The following TRIM63 variants were observed in gnomAD, a reference collection of about 807,000 sequenced individuals.
The protein encoded by TRIM63 is E3 ubiquitin-protein ligase TRIM63.
TRIM63 carries 48 observed loss-of-function variants against 46.0 expected under a neutral mutation model. The observed-to-expected ratio is 1.04, with a 90% CI of 0.83 to 1.33. The LOEUF is 1.33. Among genes scored for constraint, TRIM63 ranks in the 40% most tolerant of loss-of-function variants. The pLI is 0.00. For synonymous variants in TRIM63, 175 were observed against 162.8 expected (o/e 1.08, Z -0.57); for missense variants, 455 against 441.2 (o/e 1.03, Z -0.28).
rs750685454 is a variant in TRIM63 at position 26,067,487 on chromosome 1, T to A, written c.8A>T (p.Tyr3Phe). The A allele has an allele frequency of 3.1e-6, 5 of 1,613,920 alleles. No homozygotes were observed. The highest frequency in any genetic ancestry group is 3.4e-6 in the Non-Finnish European group (4 of 1,180,020). The change falls in exon 1 of 9, where the codon TAT becomes TTT. Residue 3 changes from tyrosine to phenylalanine, a missense_variant. Coordinates refer to ENST00000374272, the MANE Select transcript of TRIM63 (RefSeq NM_032588.4). MD[Y>F]KSSLIQDGNP... Reference sequence around the variant, plus strand: ...CCCATCCTGGATCAGGCTCGACTTATAATCCATTCTGTGGGAAGGAATGAG... The same window carrying A: ...CCCATCCTGGATCAGGCTCGACTTAAAATCCATTCTGTGGGAAGGAATGAG...
Position 26,066,360 on chromosome 1 carries a change from G to A in TRIM63, c.240C>T (p.His80=), listed in dbSNP as rs775346040. The part of the protein sequence containing the change: ...GGRFRCPTCR[H]EVIMDRHGVY... ...CTCCGTGACGATCCATGATCACCTC[G>A]TGGCGGCAGGTGGGGCAGCGGAAAC... Residue 80 remains histidine, a synonymous_variant, in exon 2 of 9, where the codon CAC becomes CAT. Transcript: ENST00000374272. 17 of 1,613,854 alleles carry A rather than the reference G, an allele frequency of 1.1e-5. No homozygotes were observed. The highest frequency in any genetic ancestry group is 1.6e-4 in the Middle Eastern group (1 of 6,082).
At chr1:26,065,177 C>T (rs1352057149) in intron 2 of TRIM63, among the ~76,000 whole-genome samples, 2 of 152,132 alleles carry the variant, frequency 1.3e-5, no homozygotes, top group East Asian at 1.9e-4. Context: ...GCACGCGCCA[C>T]CACGCCTGGC....
rs916431641 is a variant in TRIM63, at chr1:26,051,726, C to A, written c.*147G>T. 7 of 528,948 alleles carry A rather than the reference C, an allele frequency of 1.3e-5. No homozygotes were observed. The highest frequency in any genetic ancestry group is 2.0e-5 in the African/African-American group (1 of 50,652). 32.8% of individuals were successfully genotyped at this position (528,948 alleles called of 1,614,324 possible). ...TGAGGGTCCTACCCTAGTCCCTGCTCTCTGAGCAGAGAGAAGACATCACCT... is the reference window on the plus strand; with the variant it reads ...TGAGGGTCCTACCCTAGTCCCTGCTATCTGAGCAGAGAGAAGACATCACCT... On this transcript the variant is annotated 3_prime_UTR_variant, in exon 9 of 9. Transcript: ENST00000374272.
At position 26,057,290 on chromosome 1, in the gene TRIM63, T is replaced by C. The variant is rs1263291436; in HGVS notation, c.892A>G (p.Thr298Ala). ...EASKGCQLGK[T>A]EQGFENMDFF... ...TCCATGTTCTCAAAGCCCTGCTCTG[T>C]CTTCCCCAGCTGGCAGCCCTTGGAA... The change falls in exon 7 of 9, where the codon ACA (threonine) becomes GCA (alanine). Residue 298 changes from threonine (T) to alanine (A), a missense_variant. Physicochemically the swap from Thr to Ala is moderately conservative, Grantham distance 58 (BLOSUM62 0). Coordinates refer to ENST00000374272, the MANE Select transcript of TRIM63 (RefSeq NM_032588.4). 2.5e-6 allele frequency: 4 copies of C among 1,614,170 alleles called. No homozygotes were observed. The highest frequency in any genetic ancestry group is 1.1e-5 in the South Asian group (1 of 91,078).
rs146327960 is a variant in TRIM63 at position 26,059,153 on chromosome 1, T to C, written c.598-530A>G. Among the ~76,000 whole-genome samples the C allele has an allele frequency of 4.4e-4, 67 of 151,266 alleles. No individual in the cohort carries two copies. The East Asian group carries it at 0.011, about 26-fold the overall frequency. ...GATTCTCCTGCCTCAGCCTCCCGAG[T>C]AGCTGGGATTATAGATACGCTACCA... On this transcript the variant is annotated intron_variant, in intron 4 of 8. Coordinates refer to ENST00000374272, the MANE Select transcript of TRIM63 (RefSeq NM_032588.4).
intron 3 of TRIM63, 39 bp downstream of exon 3, chr1:26,061,127 C>A (rs756978734): frequency 4.4e-6 from 7 of 1,601,526 alleles, no homozygotes; most frequent in Non-Finnish European, 5.1e-6. Flanking sequence ...CCGTGCCCAG[C>A]AGGCCCAGGC....
Position 26,067,330 on chromosome 1 carries a change from A to G in TRIM63, c.159+6T>C. 1 of 1,613,688 alleles carries G rather than the reference A, an allele frequency of 6.2e-7. No homozygotes were observed. Reference sequence around the variant, plus strand: ...GACCCCAAATGAAGCTGCACCCGGCACTTACCTGGAAGATGTCATTGGCAC... The same window carrying G: ...GACCCCAAATGAAGCTGCACCCGGCGCTTACCTGGAAGATGTCATTGGCAC... On this transcript the variant is annotated splice_donor_region_variant and intron_variant, in intron 1 of 8. Transcript: ENST00000374272.
At position 26,067,275 on chromosome 1, in the gene TRIM63, C is replaced by T. The variant is rs2124444870; in HGVS notation, c.159+61G>A. On this transcript the variant is annotated intron_variant, in intron 1 of 8. Coordinates refer to ENST00000374272, the MANE Select transcript of TRIM63 (RefSeq NM_032588.4). ...TTGGAAGTCTAAGGGAGAAGGGTTTCATCACAGGGAAGCCAAGTAGCCACC... is the reference window on the plus strand; with the variant it reads ...TTGGAAGTCTAAGGGAGAAGGGTTTTATCACAGGGAAGCCAAGTAGCCACC... 4 of 1,589,454 alleles carry T rather than the reference C, an allele frequency of 2.5e-6. No individual in the cohort carries two copies. In the East Asian group the frequency reaches 9.0e-5, roughly 36 times the overall value.
intron 3 of TRIM63, 53 bp from the exon 4 acceptor site, chr1:26,060,414 C>T (rs2050613327): frequency 7.1e-7 from 1 of 1,409,506 alleles, no homozygotes; most frequent in South Asian, 1.2e-5. Flanking sequence ...GCCTCAGGGC[C>T]TACCCACTGG....
At chr1:26,058,346 T>C (rs1443865199) in intron 5 of TRIM63, 44 bp downstream of exon 5, 11 of 1,545,158 alleles carry the variant, frequency 7.1e-6, no homozygotes, top group Admixed American at 3.4e-5. Context: ...CTTAGAGCTG[T>C]AGAGTTGAAC....
At chr1:26,067,315 G>C in intron 1 of TRIM63, 21 bp downstream of exon 1, 1 of 1,612,440 alleles carries the variant, frequency 6.2e-7, no homozygotes, top group Non-Finnish European at 8.5e-7. Flanking sequence ...GACCCCAAAT[G>C]AAGCTGCACC....
chr1:26,066,152 T>C, intron 2 of TRIM63, 116 bp downstream of exon 2: 1 of 1,172,562 alleles, frequency 8.5e-7, no homozygotes, highest in East Asian at 2.3e-5. Context: ...CTTGTGTAGC[T>C]AGTCCAGCTA....
chr1:26,053,680 T>C (rs1454816396), intron 8 of TRIM63, among the ~76,000 whole-genome samples: 1 of 152,186 alleles, frequency 6.6e-6, no homozygotes, highest in East Asian at 1.9e-4. Context: ...AGATGTGAAA[T>C]GGGAGCATTT....
intron 1 of TRIM63, among the ~76,000 whole-genome samples, chr1:26,066,729 T>C (rs1446879756): frequency 1.3e-5 from 2 of 152,178 alleles, no homozygotes; most frequent in African/African-American, 4.8e-5. Flanking sequence ...TGCCCACTTA[T>C]GAAATAGGTA....
At position 26,063,608 on chromosome 1, in the gene TRIM63, T is replaced by G. The variant is rs112439606; in HGVS notation, c.333-2274A>C. Among the ~76,000 whole-genome samples the G allele has an allele frequency of 2.0e-5, 3 of 152,314 alleles. No homozygotes were observed. The East Asian group carries it at 5.8e-4, about 29-fold the overall frequency. On this transcript the variant is annotated intron_variant, in intron 2 of 8. Transcript: ENST00000374272. ...TTCATGCGCCCGCAGCCCTCCCAGA[T>G]GCCCACCCTCCCAAGCTCAGACTTT...
intron 2 of TRIM63, among the ~76,000 whole-genome samples, chr1:26,064,863 T>C (rs2050662417): frequency 6.6e-6 from 1 of 152,192 alleles, no homozygotes; most frequent in Non-Finnish European, 1.5e-5. Context: ...CACCTTCCCC[T>C]GGGCTGGGCA....
chr1:26,056,754 T>C (rs2050573969), intron 7 of TRIM63, among the ~76,000 whole-genome samples: 1 of 146,752 alleles, frequency 6.8e-6, no homozygotes, highest in Non-Finnish European at 1.5e-5. Context: ...ATCGACTATA[T>C]GAATTTTTTT....
chr1:26,066,385 C>T lies in TRIM63; in HGVS notation c.215G>A (p.Arg72His), dbSNP rs149398763. ...GTGGCGGCAGGTGGGGCAGCGGAAA[C>T]GGCCTCCAGACATGGACACTGAGCT... is the stretch of plus-strand genomic sequence containing the variant. Reference protein sequence around the residue: ...RGSSVSMSGGRFRCPTCRHEV... With the variant: ...RGSSVSMSGGHFRCPTCRHEV... The change falls in exon 2 of 9, where the codon CGT becomes CAT. Residue 72 changes from arginine to histidine, a missense_variant. Physicochemically the swap from Arg to His is conservative, Grantham distance 29. Transcript: ENST00000374272. 34 of 1,612,490 alleles carry T rather than the reference C, an allele frequency of 2.1e-5. No individual in the cohort carries two copies. Among genetic ancestry groups the T allele is most frequent in the African/African-American group, 1.5e-4 (11 of 74,914 alleles).
intron 2 of TRIM63, among the ~76,000 whole-genome samples, chr1:26,061,698 A>G (rs2050627581): frequency 6.6e-6 from 1 of 152,222 alleles, no homozygotes; most frequent in Non-Finnish European, 1.5e-5. Flanking sequence ...ACTGGGCTCC[A>G]GAAAAGTGAA....
Sources: allele counts gnomAD v4.1 joint callset (sites outside exome capture counted in the v4.1 genomes callset), GRCh38; gene constraint gnomAD v4.1.1; transcripts MANE v1.5; gene names NCBI Gene and HGNC (gene_info 2026-07-23, HGNC 2026-07-21).